Variants in GRID2 observed in about 807,000 individuals in gnomAD.
The protein encoded by GRID2 is glutamate ionotropic receptor delta type subunit 2, also known as glutamate receptor ionotropic, delta-2.
Under a neutral mutation model 114.8 loss-of-function variants are expected in GRID2, and 33 were observed. That is an observed-to-expected ratio of 0.29 (90% CI 0.22 to 0.38). GRID2 has a LOEUF of 0.38. Among genes scored for constraint, GRID2 ranks in the 10% least tolerant of loss-of-function variants. GRID2 has a pLI of 1.00. For missense variants in GRID2, 1,184 were observed against 1,257.7 expected (o/e 0.94, Z 0.89); for synonymous variants, 505 against 449.9 (o/e 1.12, Z -1.55).
chr4:93,246,529 G>A (rs1311734633), intron 8 of GRID2, among the ~76,000 whole-genome samples: 1 of 151,034 alleles, frequency 6.6e-6, no homozygotes, highest in Admixed American at 6.6e-5. Context: ...AGAGCTTGCA[G>A]TGAGCCGAGA....
intron 2 of GRID2, among the ~76,000 whole-genome samples, chr4:92,916,175 G>A (rs1262217491): frequency 1.3e-5 from 2 of 152,000 alleles, no homozygotes; most frequent in African/African-American, 4.8e-5. Context: ...TGCCTAAGCT[G>A]TCTTTAAGAG....
intron 2 of GRID2, among the ~76,000 whole-genome samples, chr4:92,752,319 GA>G (rs1213021139): frequency 1.3e-5 from 2 of 151,934 alleles, no homozygotes; most frequent in African/African-American, 4.8e-5. Flanking sequence ...TAATCATATA[GA>G]AAAAAATACA....
At chr4:93,000,405 T>TAG (rs1755468949) in intron 2 of GRID2, among the ~76,000 whole-genome samples, 1 of 151,636 alleles carries the variant, frequency 6.6e-6, no homozygotes, top group Non-Finnish European at 1.5e-5. Flanking sequence ...AAGTTTCTGA[T>TAG]ATACCTTTTT....
Position 93,151,133 on chromosome 4 carries a change from A to AAG in GRID2, c.735+40181_735+40182insGA, listed in dbSNP as rs994688675. On this transcript the variant is annotated intron_variant, in intron 4 of 15. Transcript: ENST00000282020. The stretch of plus-strand genomic sequence containing the variant: ...AGTAAGACTCCTCAAAAAAAAAAAA[A>AAG]AAAGAAAGAAAAAAGAAAAGAAATA... 5.3e-5 allele frequency among the ~76,000 whole-genome samples: 8 copies of AAG among 151,286 alleles called. No homozygotes were observed. The East Asian group carries it at 5.8e-4, about 11-fold the overall frequency.
intron 14 of GRID2, among the ~76,000 whole-genome samples, chr4:93,729,146 T>G (rs1730240310): frequency 6.6e-6 from 1 of 152,144 alleles, no homozygotes; most frequent in Non-Finnish European, 1.5e-5. Flanking sequence ...TCCGCCCACC[T>G]TGGCCTCCCA....
chr4:92,622,768 C>G (rs1730334005), intron 2 of GRID2, among the ~76,000 whole-genome samples: 5 of 151,730 alleles, frequency 3.3e-5, no homozygotes, highest in Admixed American at 3.3e-4. Flanking sequence ...CTGCCTCTGA[C>G]TCTTAGGAAA....
chr4:93,659,853 T>C (rs1723330377), intron 14 of GRID2, among the ~76,000 whole-genome samples: 1 of 152,184 alleles, frequency 6.6e-6, no homozygotes, highest in Non-Finnish European at 1.5e-5. Flanking sequence ...AGATATAAGA[T>C]CTGACCCTTT....
At chr4:93,353,121 A>G (rs1760966704) in intron 8 of GRID2, among the ~76,000 whole-genome samples, 1 of 152,072 alleles carries the variant, frequency 6.6e-6, no homozygotes, top group African/African-American at 2.4e-5. Context: ...TGACTCAGGC[A>G]TCCTTGTTGT....
At chr4:93,403,019 T>C (rs1333827098) in intron 9 of GRID2, among the ~76,000 whole-genome samples, 2 of 152,064 alleles carry the variant, frequency 1.3e-5, no homozygotes, top group African/African-American at 2.4e-5. Context: ...AGGTTAGGGG[T>C]TGGGAAAGTA....
In GRID2 at chr4:93,652,292, C is replaced by A. The variant is rs532218657; in HGVS notation, c.2360+25857C>A. On this transcript the variant is annotated intron_variant, in intron 14 of 15. Transcript: ENST00000282020. ...GTAAGCAAGATATCTCGTAAGAAAT[C>A]AACCCTGCCAGCACCTTGATCTCAG... Among the ~76,000 whole-genome samples the A allele has an allele frequency of 2.0e-5, 3 of 152,160 alleles. No homozygotes were observed. The South Asian group carries it at 6.2e-4, about 32-fold the overall frequency.
intron 1 of GRID2, among the ~76,000 whole-genome samples, chr4:92,553,868 T>C (rs890899526): frequency 2.0e-5 from 3 of 152,148 alleles, no homozygotes; most frequent in Non-Finnish European, 4.4e-5. Flanking sequence ...GCCAGAGTGG[T>C]CTTGATCTCC....
intron 10 of GRID2, among the ~76,000 whole-genome samples, chr4:93,433,911 T>C (rs1334140719): frequency 6.6e-6 from 1 of 152,208 alleles, no homozygotes; most frequent in East Asian, 1.9e-4. Flanking sequence ...GCAAAAGCTG[T>C]GAGAATCTAG....
intron 8 of GRID2, among the ~76,000 whole-genome samples, chr4:93,250,349 G>A (rs1308025628): frequency 2.0e-5 from 3 of 151,962 alleles, no homozygotes; most frequent in Admixed American, 1.3e-4. Flanking sequence ...CTGTCAGAGG[G>A]TGGGGTGCTG....
At chr4:92,368,872 G>A (rs1233268509) in intron 1 of GRID2, among the ~76,000 whole-genome samples, 3 of 150,556 alleles carry the variant, frequency 2.0e-5, no homozygotes, top group African/African-American at 7.3e-5. Context: ...TCATTCAGTG[G>A]AACTGACACT....
intron 13 of GRID2, among the ~76,000 whole-genome samples, chr4:93,608,206 A>G (rs956297277): frequency 1.3e-5 from 2 of 148,920 alleles, no homozygotes; most frequent in African/African-American, 2.5e-5. Context: ...CCTTCCTTAT[A>G]TGTATTACAT....
chr4:92,945,154 A>G (rs1159868493), intron 2 of GRID2, among the ~76,000 whole-genome samples: 1 of 152,152 alleles, frequency 6.6e-6, no homozygotes, highest in East Asian at 1.9e-4. Context: ...GCTTCTATAC[A>G]TCCTATTTCT....
chr4:92,773,670 T>C (rs1738643755), intron 2 of GRID2, among the ~76,000 whole-genome samples: 1 of 152,004 alleles, frequency 6.6e-6, no homozygotes, highest in Non-Finnish European at 1.5e-5. Context: ...CCCATACAGT[T>C]TAATGAAAAA....
chr4:93,106,199 G>A (rs1054504435), intron 3 of GRID2, among the ~76,000 whole-genome samples: 2 of 152,078 alleles, frequency 1.3e-5, no homozygotes, highest in African/African-American at 4.8e-5. Flanking sequence ...AGCACCTTGA[G>A]GTCAGGAACC....
intron 1 of GRID2, among the ~76,000 whole-genome samples, chr4:92,562,585 C>G (rs1026429952): frequency 6.6e-6 from 1 of 152,006 alleles, no homozygotes; most frequent in African/African-American, 2.4e-5. Flanking sequence ...TTATGTAGAG[C>G]CCCCACACAC....
Sources: allele counts gnomAD v4.1 joint callset (sites outside exome capture counted in the v4.1 genomes callset), GRCh38; gene constraint gnomAD v4.1.1; transcripts MANE v1.5; gene names NCBI Gene and HGNC (gene_info 2026-07-23, HGNC 2026-07-21).